JMJD1C: variants seen among roughly 807,000 people sequenced by gnomAD.
JMJD1C encodes jumonji domain containing 1C.
A neutral mutation model predicts 245.3 loss-of-function variants in JMJD1C; 31 were observed. That is an observed-to-expected ratio of 0.13 (90% confidence interval 0.09 to 0.17). The LOEUF is 0.17. Among genes scored for constraint, JMJD1C ranks in the 10% least tolerant of loss-of-function variants. The probability of loss-of-function intolerance (pLI) is 1.00; values close to 1 mark genes in which losing one functional copy is unlikely to be tolerated. For synonymous variants in JMJD1C, 1,057 were observed against 1,017.4 expected, an observed-to-expected ratio of 1.04 and a Z score of -0.74; for missense variants, 2,691 against 3,000.2, an observed-to-expected ratio of 0.90 and a Z score of 2.41.
chr10:63,431,179 T>C (rs1490617817), intron 1 of JMJD1C, among the ~76,000 whole-genome samples: 2 of 152,178 alleles, frequency 1.3e-5, no homozygotes, highest in Admixed American at 6.5e-5. Flanking sequence ...TGACAGAGTA[T>C]GAACAATAAA....
chr10:63,463,312 T>C (rs532513419), intron 1 of JMJD1C, among the ~76,000 whole-genome samples: 7 of 152,180 alleles, frequency 4.6e-5, no homozygotes, highest in Admixed American at 2.0e-4. Flanking sequence ...ACCACAGGCA[T>C]TGTACTACTA....
chr10:63,333,284 G>A (rs151251490), intron 2 of JMJD1C, among the ~76,000 whole-genome samples: 1 of 152,244 alleles, frequency 6.6e-6, no homozygotes, highest in African/African-American at 2.4e-5. Flanking sequence ...GCTGGGTGTG[G>A]TGGCTCACAC....
intron 2 of JMJD1C, among the ~76,000 whole-genome samples, chr10:63,329,225 T>C (rs1484178682): frequency 2.7e-5 from 4 of 149,966 alleles, no homozygotes; most frequent in Non-Finnish European, 5.9e-5. Flanking sequence ...GAAACTGTAG[T>C]AAGCCATGAT....
At chr10:63,281,247 G>A (rs1371113942) in intron 2 of JMJD1C, among the ~76,000 whole-genome samples, 7 of 148,892 alleles carry the variant, frequency 4.7e-5, no homozygotes, top group Non-Finnish European at 7.4e-5. Flanking sequence ...CAATTCTCCC[G>A]CCTCAGCCTC....
chr10:63,405,682 A>G lies in JMJD1C; in HGVS notation c.169-25200T>C, dbSNP rs373981420. 5.9e-5 allele frequency among the ~76,000 whole-genome samples: 9 copies of G among 152,298 alleles called. 1 individual carries two copies. The highest frequency in any genetic ancestry group is 2.1e-4 in the South Asian group (1 of 4,830). On this transcript the variant is annotated intron_variant, in intron 1 of 25. Transcript: ENST00000399262. The stretch of plus-strand genomic sequence containing the variant: ...AATATGGATGGGAGACAAAAAAGCA[A>G]AAGATGTATTTTTTAATTCTATAGA...
In JMJD1C at chr10:63,332,907, T is replaced by C. The variant is rs1414684687; in HGVS notation, c.333+47411A>G. On this transcript the variant is annotated intron_variant, in intron 2 of 25. Transcript: ENST00000399262. ...AGGCTTAGATTCATTGTTTCTATTA[T>C]CATTTCCAGTTTTAAACCATTATGC... Among the ~76,000 whole-genome samples, 2 of 152,284 alleles carry C rather than the reference T, an allele frequency of 1.3e-5. 1 individual carries two copies. Among genetic ancestry groups the C allele is most frequent in the Admixed American group, 1.3e-4 (2 of 15,276 alleles).
intron 2 of JMJD1C, among the ~76,000 whole-genome samples, chr10:63,281,842 C>T (rs1338234555): frequency 6.6e-6 from 1 of 152,090 alleles, no homozygotes; most frequent in Non-Finnish European, 1.5e-5. Context: ...ATTAAATCAA[C>T]TCAACCATAA....
chr10:63,334,734 TCAAAC>T (rs1942518053), intron 2 of JMJD1C, among the ~76,000 whole-genome samples: 1 of 144,520 alleles, frequency 6.9e-6, no homozygotes, highest in African/African-American at 2.5e-5. Flanking sequence ...AGACACAGAC[TCAAAC>T]TCGCTCTGTC....
chr10:63,480,758 TA>T (rs34474669), intron 1 of JMJD1C, among the ~76,000 whole-genome samples: 27 of 149,994 alleles, frequency 1.8e-4, no homozygotes, highest in East Asian at 1.2e-3. Flanking sequence ...ATCACTCAGT[TA>T]AAAAAAAAAT....
intron 2 of JMJD1C, among the ~76,000 whole-genome samples, chr10:63,365,378 A>T (rs1945745898): frequency 6.6e-6 from 1 of 152,238 alleles, no homozygotes; most frequent in Non-Finnish European, 1.5e-5. Context: ...ATCAGAAGTA[A>T]ACTAAAATAA....
intron 1 of JMJD1C, among the ~76,000 whole-genome samples, chr10:63,415,147 A>G (rs1949727205): frequency 6.6e-6 from 1 of 152,178 alleles, no homozygotes; most frequent in South Asian, 2.1e-4. Flanking sequence ...GTTACTTAGA[A>G]AACCCCACTT....
At chr10:63,246,317 A>G (rs1161487112) in intron 3 of JMJD1C, among the ~76,000 whole-genome samples, 2 of 152,188 alleles carry the variant, frequency 1.3e-5, no homozygotes, top group Non-Finnish European at 2.9e-5. Flanking sequence ...GGATCCTAAA[A>G]GAAGCATGAG....
intron 3 of JMJD1C, chr10:63,223,026 A>C: frequency 7.6e-7 from 1 of 1,314,718 alleles, no homozygotes; most frequent in East Asian, 2.3e-5. Flanking sequence ...AATACTATTA[A>C]AGTATTTTTT....
chr10:63,223,496 G>A (rs1470398169), intron 3 of JMJD1C, among the ~76,000 whole-genome samples: 1 of 152,008 alleles, frequency 6.6e-6, no homozygotes, highest in Admixed American at 6.5e-5. Context: ...CCAAAGTGCA[G>A]GGATTACAGG....
At chr10:63,289,843 A>C (rs1389139048) in intron 2 of JMJD1C, among the ~76,000 whole-genome samples, 1 of 152,164 alleles carries the variant, frequency 6.6e-6, no homozygotes, top group African/African-American at 2.4e-5. Flanking sequence ...ATGGCATTTT[A>C]GAAAGGTCAT....
At chr10:63,184,542 C>G in intron 21 of JMJD1C, 66 bp downstream of exon 21, 1 of 1,468,102 alleles carries the variant, frequency 6.8e-7, no homozygotes, top group Non-Finnish European at 9.2e-7. Context: ...CTATGCCCGG[C>G]CTGAGCAAAA....
At chr10:63,455,011 A>G (rs573523135) in intron 1 of JMJD1C, among the ~76,000 whole-genome samples, 52 of 152,342 alleles carry the variant, frequency 3.4e-4, no homozygotes, top group Non-Finnish European at 7.1e-4. Context: ...CCTTTAGGTT[A>G]TGCTCAGCTT....
At chr10:63,382,226 G>A (rs148727271) in intron 1 of JMJD1C, among the ~76,000 whole-genome samples, 1 of 152,076 alleles carries the variant, frequency 6.6e-6, no homozygotes, top group Non-Finnish European at 1.5e-5. Context: ...ACACAGAAGA[G>A]AGTAAATAGT....
chr10:63,439,365 A>G (rs974952341), intron 1 of JMJD1C, among the ~76,000 whole-genome samples: 1 of 152,214 alleles, frequency 6.6e-6, no homozygotes, highest in Admixed American at 6.5e-5. Flanking sequence ...CGCAAACCAC[A>G]AAACTATTAT....
Sources: gnomAD v4.1 joint callset for allele counts (sites outside exome capture counted in the v4.1 genomes callset) on GRCh38, gnomAD v4.1.1 for gene constraint, MANE v1.5 for transcripts, NCBI Gene and HGNC (gene_info 2026-07-23, HGNC 2026-07-21) for gene names.